Variants in SGIP1 observed in about 807,000 individuals in gnomAD.
SGIP1 encodes the protein SH3-containing GRB2-like protein 3-interacting protein 1.
SGIP1 carries 38 observed loss-of-function variants against 107.5 expected under a neutral mutation model. The ratio of observed to expected loss-of-function variants is 0.35; its 90% CI spans 0.27 to 0.46. The LOEUF is 0.46. SGIP1 is among the 20% of genes least tolerant of loss of function. The pLI is 1.00. For missense variants in SGIP1, 929 were observed against 1,019.5 expected (o/e 0.91, Z 1.21); for synonymous variants, 365 against 366.1 (o/e 1.00, Z 0.03).
rs1179327113 is a variant in SGIP1 at position 66,643,674 on chromosome 1, A to G, written c.414A>G (p.Glu138=). The change falls in exon 7 of 25, where the codon GAA becomes GAG. Residue 138 remains glutamate, a synonymous_variant. Transcript: ENST00000371037. ...TTAAGAATGCTGCAACTGTAGATGA[A>G]TTGAAGGCATCAATAGGCAACATCG... ...DILKNAATVD[E]LKASIGNIAL... is the part of the protein sequence containing the mutation. 14 of 1,612,106 alleles carry G rather than the reference A, an allele frequency of 8.7e-6. No homozygotes were observed. Among genetic ancestry groups the G allele is most frequent in the Non-Finnish European group, 9.3e-6 (11 of 1,179,368 alleles).
chr1:66,630,873 A>AAGAG (rs2074264005), intron 2 of SGIP1, among the ~76,000 whole-genome samples: 1 of 55,832 alleles, frequency 1.8e-5, no homozygotes, highest in Non-Finnish European at 3.3e-5. Flanking sequence ...GAAAGAAAGA[A>AAGAG]AGAAAGAAAG....
At chr1:66,707,172 A>G (rs533880630) in intron 18 of SGIP1, among the ~76,000 whole-genome samples, 1 of 152,254 alleles carries the variant, frequency 6.6e-6, no homozygotes, top group East Asian at 1.9e-4. Flanking sequence ...GTTATGCTCC[A>G]TTGTTTTCAC....
chr1:66,692,591 C>A (rs2150124483), intron 17 of SGIP1, among the ~76,000 whole-genome samples: 1 of 152,284 alleles, frequency 6.6e-6, no homozygotes, highest in Non-Finnish European at 1.5e-5. Flanking sequence ...AGGGCCTAAT[C>A]ATAACTGACT....
At chr1:66,573,970 T>C (rs1412071032) in intron 1 of SGIP1, among the ~76,000 whole-genome samples, 1 of 152,162 alleles carries the variant, frequency 6.6e-6, no homozygotes, top group Non-Finnish European at 1.5e-5. Context: ...GGCATGATAA[T>C]TGGATACAGT....
chr1:66,662,550 A>G (rs1407732994), intron 8 of SGIP1, among the ~76,000 whole-genome samples: 2 of 152,352 alleles, frequency 1.3e-5, no homozygotes, highest in East Asian at 1.9e-4. Context: ...AACAGTGTGA[A>G]GGCTGAAGAC....
At chr1:66,596,318 A>G (rs1318722628) in intron 1 of SGIP1, among the ~76,000 whole-genome samples, 2 of 143,008 alleles carry the variant, frequency 1.4e-5, no homozygotes, top group African/African-American at 5.0e-5. Flanking sequence ...CAGAGAGGGG[A>G]TGCAGGGTGG....
At chr1:66,589,966 C>G (rs2063355914) in intron 1 of SGIP1, among the ~76,000 whole-genome samples, 1 of 144,572 alleles carries the variant, frequency 6.9e-6, no homozygotes, top group Admixed American at 6.7e-5. Context: ...TGCAGATTCT[C>G]TCTTTGTTCC....
At chr1:66,601,711 A>G (rs990970354) in intron 1 of SGIP1, among the ~76,000 whole-genome samples, 1 of 152,132 alleles carries the variant, frequency 6.6e-6, no homozygotes, top group Non-Finnish European at 1.5e-5. Context: ...AAAGTGAAGT[A>G]TTTTACAAAA....
In SGIP1 at chr1:66,744,534, T is replaced by C. The variant is rs997169189; in HGVS notation, c.*1439T>C. On this transcript the variant is annotated 3_prime_UTR_variant, in exon 25 of 25. Coordinates refer to ENST00000371037, the MANE Select transcript of SGIP1 (RefSeq NM_032291.4). ...ATTACAGGTTATGCTATTAAATAGC[T>C]GTAATTATTAAGTTATTATTTTTAT... The C allele has an allele frequency of 6.6e-6, 1 of 152,134 alleles. No homozygotes were observed. The highest frequency in any genetic ancestry group is 1.5e-5 in the Non-Finnish European group (1 of 67,936). The allele number at this position is 152,134 out of a possible 1,614,324, so 9.4% of individuals were successfully genotyped here. A position where few individuals can be genotyped will look rare whatever the true frequency, so the allele number is the denominator to read the frequency against.
intron 20 of SGIP1, among the ~76,000 whole-genome samples, chr1:66,730,684 A>C (rs1233252328): frequency 2.6e-5 from 4 of 151,868 alleles, no homozygotes; most frequent in Non-Finnish European, 5.9e-5. Flanking sequence ...CAGAATCTAA[A>C]CCTGTTACCA....
rs375886070 is a variant in SGIP1, at chr1:66,720,988, G to T, written c.1742+1583G>T. On this transcript the variant is annotated intron_variant, in intron 19 of 24. Coordinates refer to ENST00000371037, the MANE Select transcript of SGIP1 (RefSeq NM_032291.4). ...ATACAATTAGTAACTCCACCTTTAAGTGTACTAGCCAGCCACTAGGATCTT... is the reference window on the plus strand; with the variant it reads ...ATACAATTAGTAACTCCACCTTTAATTGTACTAGCCAGCCACTAGGATCTT... Among the ~76,000 whole-genome samples the T allele has an allele frequency of 9.9e-5, 15 of 152,226 alleles. No individual in the cohort carries two copies. In the South Asian group the frequency reaches 2.9e-3, roughly 29 times the overall value.
intron 1 of SGIP1, among the ~76,000 whole-genome samples, chr1:66,594,829 T>C (rs989708865): frequency 1.1e-4 from 17 of 152,074 alleles, no homozygotes; most frequent in Admixed American, 9.2e-4. Context: ...CCTCACAAGA[T>C]TGTGGGAGAC....
At chr1:66,740,776 G>A in intron 23 of SGIP1, 54 bp downstream of exon 23, 1 of 1,228,192 alleles carries the variant, frequency 8.1e-7, no homozygotes, top group Non-Finnish European at 1.2e-6. Context: ...AATGGCTTTA[G>A]GTATTTGCCA....
intron 1 of SGIP1, among the ~76,000 whole-genome samples, chr1:66,581,145 A>G (rs966713536): frequency 3.9e-5 from 6 of 152,122 alleles, no homozygotes; most frequent in African/African-American, 1.2e-4. Context: ...ATGAGAGTAT[A>G]TAATTAAACT....
chr1:66,630,126 G>A (rs2073931194), intron 2 of SGIP1, among the ~76,000 whole-genome samples: 1 of 152,116 alleles, frequency 6.6e-6, no homozygotes, highest in Non-Finnish European at 1.5e-5. Flanking sequence ...TCCATCAGTC[G>A]AGAAGACAAA....
At chr1:66,645,371 A>T (rs763506195) in intron 7 of SGIP1, among the ~76,000 whole-genome samples, 3 of 152,214 alleles carry the variant, frequency 2.0e-5, no homozygotes, top group Non-Finnish European at 4.4e-5. Context: ...ATTGCTAAGG[A>T]TGCAGCAAAA....
chr1:66,618,490 T>A (rs2070038447), intron 1 of SGIP1, among the ~76,000 whole-genome samples: 1 of 152,234 alleles, frequency 6.6e-6, no homozygotes, highest in South Asian at 2.1e-4. Context: ...CACTAGGTAC[T>A]GCAATAATCA....
chr1:66,706,185 G>T (rs6669023), intron 18 of SGIP1, among the ~76,000 whole-genome samples: 94,160 of 150,678 alleles, frequency 0.62, 30,174 homozygotes, highest in East Asian at 1. Flanking sequence ...AATCTGAAAT[G>T]TTTTTGTTAT....
intron 2 of SGIP1, among the ~76,000 whole-genome samples, chr1:66,632,729 A>G (rs1433242760): frequency 1.3e-5 from 2 of 151,414 alleles, no homozygotes; most frequent in African/African-American, 4.8e-5. Context: ...CTAGAGTGGG[A>G]CAGTTAGCCA....
Sources: gnomAD v4.1 joint callset for allele counts (sites outside exome capture counted in the v4.1 genomes callset) on GRCh38, gnomAD v4.1.1 for gene constraint, MANE v1.5 for transcripts, NCBI Gene and HGNC (gene_info 2026-07-23, HGNC 2026-07-21) for gene names.